SH3PXD2A: variants seen among roughly 807,000 people sequenced by gnomAD.
SH3PXD2A encodes the protein SH3 and PX domain-containing protein 2A.
Under a neutral mutation model 115.2 loss-of-function variants are expected in SH3PXD2A, and 32 were observed. The observed-to-expected ratio is 0.28, with a 90% CI of 0.21 to 0.37. SH3PXD2A has a LOEUF of 0.37. Among genes scored for constraint, SH3PXD2A ranks in the 10% least tolerant of loss-of-function variants. SH3PXD2A has a pLI of 1.00. For missense variants in SH3PXD2A, 1,328 were observed against 1,498.7 expected, an observed-to-expected ratio of 0.89 and a Z score of 1.88; for synonymous variants, 610 against 629.1, an observed-to-expected ratio of 0.97 and a Z score of 0.45.
chr10:103,678,176 G>A, intron 6 of SH3PXD2A: 1 of 1,288,498 alleles, frequency 7.8e-7, no homozygotes, highest in Non-Finnish European at 1.0e-6. Context: ...GGGGGAGCAG[G>A]GCTTGGTGCA....
chr10:103,704,324 G>C (rs11191775), intron 5 of SH3PXD2A, among the ~76,000 whole-genome samples: 18,050 of 152,086 alleles, frequency 0.12, 1,284 homozygotes, highest in Non-Finnish European at 0.15. Context: ...CTGGCCTCAG[G>C]GGGAGGGGGG....
In SH3PXD2A at chr10:103,794,093, T is replaced by C. The variant is rs1338663200; in HGVS notation, c.153+7189A>G. Among the ~76,000 whole-genome samples the C allele has an allele frequency of 1.3e-5, 2 of 152,188 alleles. 1 individual carries two copies. The highest frequency in any genetic ancestry group is 2.9e-5 in the Non-Finnish European group (2 of 68,030). ...CCCATATACACATTCATTCCAAGGC[T>C]GGTTGTTAGTGATTCAGGAATTATA... On this transcript the variant is annotated intron_variant, in intron 2 of 14. Coordinates refer to ENST00000369774, the MANE Select transcript of SH3PXD2A (RefSeq NM_001394015.1).
chr10:103,771,601 G>A (rs944096989), intron 2 of SH3PXD2A, among the ~76,000 whole-genome samples: 14 of 152,018 alleles, frequency 9.2e-5, no homozygotes, highest in African/African-American at 3.1e-4. Context: ...ACAAAAATTA[G>A]GTGGGCATGG....
chr10:103,792,016 G>A (rs1345166018), intron 2 of SH3PXD2A, among the ~76,000 whole-genome samples: 1 of 152,084 alleles, frequency 6.6e-6, no homozygotes, highest in Non-Finnish European at 1.5e-5. Flanking sequence ...GGAAGCTGGA[G>A]TTCATACTCA....
At chr10:103,618,535 T>A (rs1322177207) in intron 10 of SH3PXD2A, among the ~76,000 whole-genome samples, 1 of 152,174 alleles carries the variant, frequency 6.6e-6, no homozygotes, top group Non-Finnish European at 1.5e-5. Context: ...GAAGTGGCAA[T>A]CTGGCCATGC....
intron 7 of SH3PXD2A, chr10:103,661,900 C>T (rs2037311618): frequency 1.0e-6 from 1 of 985,246 alleles, no homozygotes. Context: ...CTGGCGAGCC[C>T]AGCCCGCCCC....
At chr10:103,716,336 G>A (rs981128366) in intron 5 of SH3PXD2A, among the ~76,000 whole-genome samples, 1 of 152,220 alleles carries the variant, frequency 6.6e-6, no homozygotes, top group African/African-American at 2.4e-5. Context: ...CTGATGGGCA[G>A]GCTGAGGCAG....
rs764308411 is a variant in SH3PXD2A at position 103,612,948 on chromosome 10, T to A, written c.1163A>T (p.Asn388Ile). The A allele has an allele frequency of 6.2e-7, 1 of 1,613,920 alleles. No homozygotes were observed. The highest frequency in any genetic ancestry group is 1.7e-5 in the Admixed American group (1 of 60,028). ...GTCAGGAACGCCCACGGCACTGCCATTGGAGGCATTGCAGAGGATGGGCAG... is the reference window on the plus strand; with the variant it reads ...GTCAGGAACGCCCACGGCACTGCCAATGGAGGCATTGCAGAGGATGGGCAG... ...ISLPILCNASNGSAVGVPDRT... is the reference protein window; with the variant it reads ...ISLPILCNASIGSAVGVPDRT... The change falls in exon 12 of 15, where the codon AAT becomes ATT. Residue 388 changes from asparagine (N) to isoleucine (I), a missense_variant. Transcript: ENST00000369774.
chr10:103,625,539 A>G (rs566455397), intron 9 of SH3PXD2A, among the ~76,000 whole-genome samples: 87 of 152,368 alleles, frequency 5.7e-4, no homozygotes, highest in South Asian at 4.6e-3. Flanking sequence ...GACCTGGTCT[A>G]GCATCTGGTA....
At chr10:103,807,125 G>T (rs559450173) in intron 1 of SH3PXD2A, among the ~76,000 whole-genome samples, 1 of 152,320 alleles carries the variant, frequency 6.6e-6, no homozygotes, top group East Asian at 1.9e-4. Flanking sequence ...CAGACTTACA[G>T]CGCAGCTCCA....
In SH3PXD2A at chr10:103,792,053, G is replaced by A. The variant is rs796556698; in HGVS notation, c.153+9229C>T. 2.6e-5 allele frequency among the ~76,000 whole-genome samples: 4 copies of A among 152,240 alleles called. 1 individual carries two copies. Among genetic ancestry groups the A allele is most frequent in the South Asian group, 4.1e-4 (2 of 4,824 alleles). ...GCCACAGGCACAAGTTGAAAGGGGCGCTGGAGCCCAGCCAGCTCCCAGGTG... is the reference window on the plus strand; with the variant it reads ...GCCACAGGCACAAGTTGAAAGGGGCACTGGAGCCCAGCCAGCTCCCAGGTG... On this transcript the variant is annotated intron_variant, in intron 2 of 14. Coordinates refer to ENST00000369774, the MANE Select transcript of SH3PXD2A (RefSeq NM_001394015.1).
chr10:103,694,957 C>G (rs759895811), intron 5 of SH3PXD2A, among the ~76,000 whole-genome samples: 1 of 152,190 alleles, frequency 6.6e-6, no homozygotes, highest in Non-Finnish European at 1.5e-5. Flanking sequence ...GCTGTGCCCC[C>G]CAAAAGCTCA....
chr10:103,717,500 T>C (rs1170735412), intron 5 of SH3PXD2A, among the ~76,000 whole-genome samples: 2 of 151,924 alleles, frequency 1.3e-5, no homozygotes, highest in Non-Finnish European at 2.9e-5. Context: ...GGGCAGAGCA[T>C]GGAGGCTGGC....
chr10:103,701,436 CATCTATCCATT>C (rs2037902249), intron 5 of SH3PXD2A, among the ~76,000 whole-genome samples: 1 of 149,264 alleles, frequency 6.7e-6, no homozygotes, highest in Non-Finnish European at 1.5e-5. Context: ...ATCCATCCAC[CATCTATCCATT>C]CATCCATCCA....
At chr10:103,625,204 G>A (rs999706854) in intron 9 of SH3PXD2A, among the ~76,000 whole-genome samples, 7 of 152,148 alleles carry the variant, frequency 4.6e-5, no homozygotes, top group Non-Finnish European at 1.0e-4. Flanking sequence ...CACACCTCTC[G>A]TGCGCTTTCC....
rs1454199773 is a variant in SH3PXD2A at position 103,715,465 on chromosome 10, G to C, written c.398+8805C>G. Among the ~76,000 whole-genome samples the C allele has an allele frequency of 3.3e-5, 5 of 152,356 alleles. No homozygotes were observed. In the East Asian group the frequency reaches 7.7e-4, roughly 24 times the overall value. The stretch of plus-strand genomic sequence containing the variant: ...GTAACTACCTGCAGAGTGAAGGGAG[G>C]CTGCTGTGGAGAGGTTCCAGGGCTC... On this transcript the variant is annotated intron_variant, in intron 5 of 14. Coordinates refer to ENST00000369774, the MANE Select transcript of SH3PXD2A (RefSeq NM_001394015.1).
chr10:103,804,246 G>A (rs948777062), intron 1 of SH3PXD2A, among the ~76,000 whole-genome samples: 8 of 151,706 alleles, frequency 5.3e-5, no homozygotes, highest in African/African-American at 1.5e-4. Flanking sequence ...TAGGGTGCCC[G>A]GGCTGAGGAG....
intron 8 of SH3PXD2A, among the ~76,000 whole-genome samples, chr10:103,654,948 A>G (rs2037186917): frequency 2.2e-5 from 3 of 137,800 alleles, no homozygotes; most frequent in Admixed American, 1.5e-4. Flanking sequence ...CCTGGAGTGA[A>G]TAAAGCTGAG....
intron 1 of SH3PXD2A, among the ~76,000 whole-genome samples, chr10:103,835,260 T>G (rs917981509): frequency 1.3e-5 from 2 of 152,214 alleles, no homozygotes; most frequent in African/African-American, 4.8e-5. Context: ...GATTGCAGCT[T>G]CCGTGGGATT....
Sources: gnomAD v4.1 joint callset for allele counts (sites outside exome capture counted in the v4.1 genomes callset) on GRCh38, gnomAD v4.1.1 for gene constraint, MANE v1.5 for transcripts, NCBI Gene and HGNC (gene_info 2026-07-23, HGNC 2026-07-21) for gene names.